The following PTPRD variants were observed in gnomAD, a reference collection of about 807,000 sequenced individuals.
The protein encoded by PTPRD is receptor-type tyrosine-protein phosphatase delta.
In PTPRD, 34 loss-of-function variants were observed where a neutral mutation model predicts 214.5. The observed-to-expected ratio is 0.16, with a 90% CI of 0.12 to 0.21. The LOEUF is 0.21. Ranked by LOEUF, PTPRD falls within the 10% of genes least tolerant of loss-of-function variation. The pLI, the probability that PTPRD is intolerant of heterozygous loss-of-function variation, is 1.00. For missense variants in PTPRD, 2,545 were observed against 2,398.7 expected, an observed-to-expected ratio of 1.06 and a Z score of -1.27; for synonymous variants, 1,128 against 845.7, an observed-to-expected ratio of 1.33 and a Z score of -5.79.
chr9:9,218,112 G>A (rs1446355213), intron 9 of PTPRD, among the ~76,000 whole-genome samples: 3 of 152,076 alleles, frequency 2.0e-5, no homozygotes, highest in Admixed American at 6.6e-5. Flanking sequence ...ATTAATTAAT[G>A]TTGCATTGGA....
chr9:8,754,437 G>C (rs2093805852), intron 11 of PTPRD, among the ~76,000 whole-genome samples: 1 of 152,134 alleles, frequency 6.6e-6, no homozygotes, highest in Non-Finnish European at 1.5e-5. Flanking sequence ...AAGAAGTCTA[G>C]AAACAGACCC....
At chr9:8,802,832 G>A (rs1021645600) in intron 11 of PTPRD, among the ~76,000 whole-genome samples, 5 of 152,144 alleles carry the variant, frequency 3.3e-5, no homozygotes, top group African/African-American at 1.2e-4. Flanking sequence ...TGGGAAGACA[G>A]CTTGAGCCCA....
chr9:8,832,273 C>A, intron 11 of PTPRD, among the ~76,000 whole-genome samples: 1 of 151,978 alleles, frequency 6.6e-6, no homozygotes, highest in East Asian at 1.9e-4. Context: ...TTTAATTTAT[C>A]CTAACAGATA....
At chr9:9,066,307 C>A (rs764986238) in intron 10 of PTPRD, among the ~76,000 whole-genome samples, 4 of 151,428 alleles carry the variant, frequency 2.6e-5, no homozygotes, top group Non-Finnish European at 5.9e-5. Context: ...ATTTTTTTTT[C>A]ATGAGAATGT....
intron 11 of PTPRD, among the ~76,000 whole-genome samples, chr9:8,748,924 T>C (rs562276332): frequency 6.6e-6 from 1 of 152,098 alleles, no homozygotes; most frequent in South Asian, 2.1e-4. Flanking sequence ...AAAAGAAAAT[T>C]CATCATTTTC....
At chr9:8,830,626 T>G (rs563983945) in intron 11 of PTPRD, among the ~76,000 whole-genome samples, 3 of 152,234 alleles carry the variant, frequency 2.0e-5, no homozygotes, top group African/African-American at 7.2e-5. Flanking sequence ...AGCGACACAG[T>G]GTCCACCCTA....
chr9:8,646,493 TA>T (rs2096694356), intron 12 of PTPRD, among the ~76,000 whole-genome samples: 1 of 152,182 alleles, frequency 6.6e-6, no homozygotes, highest in Non-Finnish European at 1.5e-5. Context: ...ACGGAGAACC[TA>T]AAATTCTCTC....
At chr9:10,229,542 G>A (rs946356472) in intron 3 of PTPRD, among the ~76,000 whole-genome samples, 3 of 152,058 alleles carry the variant, frequency 2.0e-5, no homozygotes, top group African/African-American at 7.2e-5. Flanking sequence ...ATGAGTTCAT[G>A]TCCTTTGTAG....
At chr9:8,529,087 C>T (rs978894262) in intron 14 of PTPRD, among the ~76,000 whole-genome samples, 3 of 151,912 alleles carry the variant, frequency 2.0e-5, no homozygotes, top group African/African-American at 7.3e-5. Flanking sequence ...CAGTGAGTAC[C>T]CAGAGGAAGC....
At chr9:8,837,341 G>A (rs1245059056) in intron 11 of PTPRD, among the ~76,000 whole-genome samples, 2 of 152,012 alleles carry the variant, frequency 1.3e-5, no homozygotes, top group Non-Finnish European at 2.9e-5. Flanking sequence ...ACAAGAGATA[G>A]CAAAGATACA....
intron 9 of PTPRD, among the ~76,000 whole-genome samples, chr9:9,394,897 G>T (rs1187679778): frequency 6.6e-6 from 1 of 151,980 alleles, no homozygotes; most frequent in Non-Finnish European, 1.5e-5. Context: ...TGTAACAATT[G>T]CACCAAAGAT....
chr9:8,838,707 G>C (rs932897656), intron 11 of PTPRD, among the ~76,000 whole-genome samples: 1 of 151,914 alleles, frequency 6.6e-6, no homozygotes, highest in East Asian at 1.9e-4. Context: ...AGAGTAGGTA[G>C]TTTGCAGGAT....
chr9:10,210,763 TATA>T (rs34459454), intron 3 of PTPRD, among the ~76,000 whole-genome samples: 79,075 of 134,656 alleles, frequency 0.59, 24,371 homozygotes, highest in Admixed American at 0.67. Flanking sequence ...AATGTTTATA[TATA>T]ATGTTTATAT....
intron 3 of PTPRD, among the ~76,000 whole-genome samples, chr9:10,088,587 AT>A (rs2098387610): frequency 6.6e-6 from 1 of 151,794 alleles, no homozygotes; most frequent in Non-Finnish European, 1.5e-5. Context: ...CTTCAGGAAG[AT>A]AAAGGAACTG....
intron 35 of PTPRD, among the ~76,000 whole-genome samples, chr9:8,430,672 T>C (rs1054420879): frequency 3.3e-5 from 5 of 152,106 alleles, no homozygotes; most frequent in African/African-American, 1.2e-4. Context: ...ATTCTACATT[T>C]CTAACAAGTT....
At chr9:9,493,657 G>A (rs531123182) in intron 8 of PTPRD, among the ~76,000 whole-genome samples, 22 of 151,452 alleles carry the variant, frequency 1.5e-4, no homozygotes, top group African/African-American at 5.3e-4. Context: ...GTGTGGTGGC[G>A]GTAGCCTGTA....
At chr9:8,651,264 A>T (rs1245891293) in intron 12 of PTPRD, among the ~76,000 whole-genome samples, 2 of 152,184 alleles carry the variant, frequency 1.3e-5, no homozygotes, top group Non-Finnish European at 2.9e-5. Flanking sequence ...GCCCATTCAC[A>T]AATTCTCCTG....
intron 11 of PTPRD, among the ~76,000 whole-genome samples, chr9:8,777,747 T>C (rs968427022): frequency 1.3e-5 from 2 of 152,234 alleles, no homozygotes; most frequent in African/African-American, 4.8e-5. Flanking sequence ...TTATTTACTG[T>C]ACTTCCTGAT....
chr9:9,902,998 G>C lies in PTPRD; in HGVS notation c.-368+35509C>G, dbSNP rs138711980. Among the ~76,000 whole-genome samples the C allele has an allele frequency of 5.3e-5, 8 of 152,166 alleles. No individual in the cohort carries two copies. The East Asian group carries it at 1.5e-3, about 29-fold the overall frequency. On this transcript the variant is annotated intron_variant, in intron 5 of 45. Coordinates refer to ENST00000381196, the MANE Select transcript of PTPRD (RefSeq NM_002839.4). ...AATATCCTATATTTTAATTAAGGGAGTTTTACCTGAGTGAAAAACATCGAA... is the reference window on the plus strand; with the variant it reads ...AATATCCTATATTTTAATTAAGGGACTTTTACCTGAGTGAAAAACATCGAA...
Sources: allele counts gnomAD v4.1 joint callset (sites outside exome capture counted in the v4.1 genomes callset), GRCh38; gene constraint gnomAD v4.1.1; transcripts MANE v1.5; gene names NCBI Gene and HGNC (gene_info 2026-07-23, HGNC 2026-07-21).